RNF144A: variants seen among roughly 807,000 people sequenced by gnomAD.
The protein encoded by RNF144A is ring finger protein 144A, also known as E3 ubiquitin-protein ligase RNF144A.
RNF144A carries 11 observed loss-of-function variants against 38.7 expected under a neutral mutation model. The ratio of observed to expected loss-of-function variants is 0.28; its 90% CI spans 0.18 to 0.47. The LOEUF (loss-of-function observed/expected upper bound fraction) is 0.47. Ranked by LOEUF, RNF144A falls within the 20% of genes least tolerant of loss-of-function variation. RNF144A has a pLI of 0.99. For missense variants in RNF144A, 316 were observed against 377.2 expected, an observed-to-expected ratio of 0.84 and a Z score of 1.34; for synonymous variants, 149 against 143.9, an observed-to-expected ratio of 1.04 and a Z score of -0.25.
At chr2:7,060,759 A>G (rs1400492966) in intron 6 of RNF144A, among the ~76,000 whole-genome samples, 1 of 152,058 alleles carries the variant, frequency 6.6e-6, no homozygotes, top group East Asian at 1.9e-4. Context: ...CAGATGCCCC[A>G]TCTTACATAG....
At chr2:7,010,355 G>A (rs1670716875) in intron 3 of RNF144A, among the ~76,000 whole-genome samples, 1 of 152,142 alleles carries the variant, frequency 6.6e-6, no homozygotes, top group Admixed American at 6.5e-5. Flanking sequence ...ACTGTTCATG[G>A]GGCTTTTGCT....
chr2:7,044,561 C>G (rs1321406459), downstream of RNF144A, among the ~76,000 whole-genome samples: 2 of 152,186 alleles, frequency 1.3e-5, no homozygotes, highest in African/African-American at 2.4e-5. Context: ...TCCTTACAGA[C>G]CTGTCACATT....
At chr2:6,930,778 GA>G (rs1349980969) in intron 1 of RNF144A, among the ~76,000 whole-genome samples, 1 of 151,926 alleles carries the variant, frequency 6.6e-6, no homozygotes, top group African/African-American at 2.4e-5. Flanking sequence ...TTTTTTTGTA[GA>G]GGGGGGGATT....
chr2:7,041,727 C>A lies in RNF144A; in HGVS notation c.*1967C>A. 3 of 985,504 alleles carry A rather than the reference C, an allele frequency of 3.0e-6. No homozygotes were observed. In the South Asian group the frequency reaches 1.4e-4, roughly 46 times the overall value. 61.0% of individuals were successfully genotyped at this position (985,504 alleles called of 1,614,324 possible). A position where few individuals can be genotyped will look rare whatever the true frequency, so the allele number is the denominator to read the frequency against. On this transcript the variant is annotated 3_prime_UTR_variant, in exon 9 of 9. Coordinates refer to ENST00000320892, the MANE Select transcript of RNF144A (RefSeq NM_014746.6). ...GCCTGTGGCCCTGTGTCCAGTGGCC[C>A]ACAGGACACGCCTCCACCATATGCT...
intron 2 of RNF144A, among the ~76,000 whole-genome samples, chr2:6,948,442 A>G (rs185293426): frequency 2.0e-4 from 31 of 152,320 alleles, no homozygotes; most frequent in Non-Finnish European, 1.3e-4. Flanking sequence ...TTCCATTTGC[A>G]TGGTTATTTT....
At position 6,941,787 on chromosome 2, in the gene RNF144A, C is replaced by T. The variant is rs1666001482; in HGVS notation, c.-12+640C>T. On this transcript the variant is annotated intron_variant, in intron 2 of 8. Transcript: ENST00000320892. This position sits in a 1 kb window ranked among gnomAD's most constrained non-coding sequence, Gnocchi z 6.5. ...TTTAAGGAGGCGCAGTAACTAGCCACTTAGCATCTGGGCAAGAGCGCTGTA... is the reference window on the plus strand; with the variant it reads ...TTTAAGGAGGCGCAGTAACTAGCCATTTAGCATCTGGGCAAGAGCGCTGTA... Among the ~76,000 whole-genome samples, 1 of 152,256 alleles carries T rather than the reference C, an allele frequency of 6.6e-6. No homozygotes were observed. Among genetic ancestry groups the T allele is most frequent in the African/African-American group, 2.4e-5 (1 of 41,470 alleles).
chr2:7,029,497 T>A (rs1239438543), intron 7 of RNF144A, among the ~76,000 whole-genome samples: 1 of 152,154 alleles, frequency 6.6e-6, no homozygotes, highest in Non-Finnish European at 1.5e-5. Context: ...TGCTGCCCAC[T>A]CAGGATGGTC....
chr2:7,071,500 G>GGCCT (rs1369855363), downstream of RNF144A, among the ~76,000 whole-genome samples: 1 of 152,196 alleles, frequency 6.6e-6, no homozygotes, highest in African/African-American at 2.4e-5. Flanking sequence ...CGTGTGACTT[G>GGCCT]GCCTGAGTTA....
At chr2:7,019,841 A>C (rs1426078624) in intron 5 of RNF144A, among the ~76,000 whole-genome samples, 5 of 152,186 alleles carry the variant, frequency 3.3e-5, no homozygotes, top group Non-Finnish European at 4.4e-5. Context: ...GTGTGCTGTG[A>C]TTTGGAGAGA....
intron 2 of RNF144A, among the ~76,000 whole-genome samples, chr2:6,981,948 G>T (rs1471775985): frequency 3.3e-5 from 5 of 152,214 alleles, no homozygotes; most frequent in Non-Finnish European, 7.3e-5. Flanking sequence ...AATCATGGCA[G>T]AAGGCAAAAG....
intron 8 of RNF144A, among the ~76,000 whole-genome samples, chr2:7,034,522 C>G (rs1336260881): frequency 6.6e-6 from 1 of 152,218 alleles, no homozygotes; most frequent in Admixed American, 6.5e-5. Flanking sequence ...CTCCCCTGCC[C>G]TGTCCTTCCT....
intron 6 of RNF144A, among the ~76,000 whole-genome samples, chr2:7,057,156 T>C (rs1572489712): frequency 6.6e-6 from 1 of 152,210 alleles, no homozygotes; most frequent in East Asian, 1.9e-4. Context: ...TCTGTCTCTG[T>C]GCCATACAGA....
chr2:6,976,273 G>A (rs536206392), intron 2 of RNF144A, among the ~76,000 whole-genome samples: 3 of 152,186 alleles, frequency 2.0e-5, no homozygotes, highest in Non-Finnish European at 2.9e-5. Flanking sequence ...CAGGGTTTGC[G>A]AAATATTTGA....
intron 2 of RNF144A, among the ~76,000 whole-genome samples, chr2:6,982,076 G>A (rs1668667067): frequency 6.6e-6 from 1 of 152,218 alleles, no homozygotes; most frequent in East Asian, 1.9e-4. Context: ...AACAGCATGG[G>A]GGAAACTGCC....
intron 6 of RNF144A, among the ~76,000 whole-genome samples, chr2:7,064,619 G>A (rs1243391588): frequency 6.6e-6 from 1 of 152,138 alleles, no homozygotes; most frequent in Non-Finnish European, 1.5e-5. Flanking sequence ...AGTCATGGAG[G>A]GAAATGAACA....
chr2:7,050,684 G>A (rs1300274370), intron 6 of RNF144A, among the ~76,000 whole-genome samples: 1 of 152,164 alleles, frequency 6.6e-6, no homozygotes, highest in Non-Finnish European at 1.5e-5. Flanking sequence ...CTATATTTCA[G>A]TAGCATAAAT....
Position 7,014,737 on chromosome 2 carries a change from T to G in RNF144A, c.266T>G (p.Ile89Ser). The change falls in exon 5 of 9, where the codon ATT (isoleucine) becomes AGT (serine). Residue 89 changes from isoleucine to serine, a missense_variant. Transcript: ENST00000320892. ...ATTGAGTGCATGGTTGCAGCTGAAA[T>G]TATGCAAAGATATAAAAAGCTACAA... ...NEIECMVAAE[I>S]MQRYKKLQFE... 6.2e-7 allele frequency: 1 copy of G among 1,613,424 alleles called. No homozygotes were observed. Among genetic ancestry groups the G allele is most frequent in the Non-Finnish European group, 8.5e-7 (1 of 1,179,408 alleles).
At chr2:6,991,085 A>C (rs1008515653) in intron 2 of RNF144A, among the ~76,000 whole-genome samples, 1 of 152,164 alleles carries the variant, frequency 6.6e-6, no homozygotes, top group African/African-American at 2.4e-5. Flanking sequence ...TCACCTACTG[A>C]AAGACAGCTT....
Position 6,924,824 on chromosome 2 carries a change from G to C in RNF144A, c.-212+7202G>C, listed in dbSNP as rs368006701. On this transcript the variant is annotated intron_variant, in intron 1 of 8. Coordinates refer to ENST00000320892, the MANE Select transcript of RNF144A (RefSeq NM_014746.6). Reference sequence around the variant, plus strand: ...ATCCTTTGTGTTCACTGTATTCTCTGTCTCTGAGGAATCCGTTTTCTGAGT... The same window carrying C: ...ATCCTTTGTGTTCACTGTATTCTCTCTCTCTGAGGAATCCGTTTTCTGAGT... Among the ~76,000 whole-genome samples, 8 of 152,378 alleles carry C rather than the reference G, an allele frequency of 5.3e-5. No individual in the cohort carries two copies. In the East Asian group the frequency reaches 1.3e-3, roughly 26 times the overall value.
Sources: gnomAD v4.1 joint callset for allele counts (sites outside exome capture counted in the v4.1 genomes callset) on GRCh38, gnomAD v4.1.1 for gene constraint, Gnocchi (gnomAD v3.1) non-coding constraint, MANE v1.5 for transcripts, NCBI Gene and HGNC (gene_info 2026-07-23, HGNC 2026-07-21) for gene names.